The following EXOC4 variants were observed in gnomAD, a reference collection of about 807,000 sequenced individuals.
EXOC4 encodes the protein exocyst complex component 4.
In EXOC4, 71 loss-of-function variants were observed where a neutral mutation model predicts 107.2. The observed-to-expected ratio is 0.66, with a 90% confidence interval of 0.55 to 0.81. The LOEUF (loss-of-function observed/expected upper bound fraction) is 0.81, where lower values mean the gene tolerates loss of function less well. Ranked by LOEUF, EXOC4 falls within the 30% of genes least tolerant of loss-of-function variation. The pLI, the probability that EXOC4 is intolerant of heterozygous loss-of-function variation, is 0.00. For synonymous variants in EXOC4, 456 were observed against 441.2 expected, an observed-to-expected ratio of 1.03 and a Z score of -0.42; for missense variants, 1,108 against 1,189.6, an observed-to-expected ratio of 0.93 and a Z score of 1.01.
intron 17 of EXOC4, among the ~76,000 whole-genome samples, chr7:134,009,121 G>T (rs934554352): frequency 1.3e-5 from 2 of 152,092 alleles, no homozygotes; most frequent in Non-Finnish European, 1.5e-5. Flanking sequence ...CTCTATTGCC[G>T]TTTATACCTG....
chr7:133,698,031 A>G (rs1794573919), intron 10 of EXOC4, among the ~76,000 whole-genome samples: 1 of 152,158 alleles, frequency 6.6e-6, no homozygotes, highest in Non-Finnish European at 1.5e-5. Context: ...TGTTTTATAA[A>G]TGTGTTGTAC....
chr7:133,913,965 G>A (rs1002469310), intron 12 of EXOC4, among the ~76,000 whole-genome samples: 1 of 152,170 alleles, frequency 6.6e-6, no homozygotes, highest in Non-Finnish European at 1.5e-5. Context: ...GAAAGCAAAA[G>A]AATAGTATTT....
At chr7:133,457,099 TTG>T (rs1440438739) in intron 7 of EXOC4, among the ~76,000 whole-genome samples, 1 of 152,108 alleles carries the variant, frequency 6.6e-6, no homozygotes, top group Non-Finnish European at 1.5e-5. Flanking sequence ...ACGTTAATAT[TTG>T]TGTTGGGCCT....
intron 7 of EXOC4, among the ~76,000 whole-genome samples, chr7:133,403,556 C>A (rs1797142307): frequency 6.6e-6 from 1 of 152,192 alleles, no homozygotes; most frequent in African/African-American, 2.4e-5. Context: ...GTTTGCTTAA[C>A]TCAGTTTTGG....
chr7:133,509,289 G>T (rs1261500172), intron 9 of EXOC4, among the ~76,000 whole-genome samples: 1 of 152,114 alleles, frequency 6.6e-6, no homozygotes, highest in African/African-American at 2.4e-5. Context: ...TTAGCCGGGC[G>T]TGGTGGCGGG....
chr7:133,360,834 TG>T (rs1036383968), intron 6 of EXOC4, among the ~76,000 whole-genome samples: 4 of 152,204 alleles, frequency 2.6e-5, no homozygotes, highest in Non-Finnish European at 4.4e-5. Context: ...AAAATGCCTG[TG>T]GGGGTATGAA....
downstream of EXOC4, chr7:134,066,536 G>A (rs1165188845): frequency 6.6e-6 from 1 of 152,144 alleles, no homozygotes; most frequent in Admixed American, 6.5e-5. Flanking sequence ...ACTCTTCCAA[G>A]ACATTTAGGA....
intron 4 of EXOC4, among the ~76,000 whole-genome samples, chr7:133,317,042 T>C (rs1795004912): frequency 6.6e-6 from 1 of 152,134 alleles, no homozygotes; most frequent in Admixed American, 6.6e-5. Flanking sequence ...TTGAATGAAA[T>C]GACAAAATAA....
intron 12 of EXOC4, among the ~76,000 whole-genome samples, chr7:133,916,084 G>A (rs1799801226): frequency 1.3e-5 from 2 of 152,146 alleles, no homozygotes; most frequent in African/African-American, 4.8e-5. Flanking sequence ...TGATGTTTTG[G>A]GTGAGAAAAA....
At chr7:133,295,024 A>G (rs1321013876) in intron 3 of EXOC4, among the ~76,000 whole-genome samples, 1 of 152,142 alleles carries the variant, frequency 6.6e-6, no homozygotes, top group Non-Finnish European at 1.5e-5. Flanking sequence ...TGTGTACATA[A>G]AGTATATGCA....
intron 7 of EXOC4, among the ~76,000 whole-genome samples, chr7:133,465,361 A>G (rs1354633731): frequency 6.6e-6 from 1 of 152,214 alleles, no homozygotes; most frequent in Non-Finnish European, 1.5e-5. Context: ...AGTAGAAATA[A>G]CAAACTATCA....
chr7:133,416,509 A>G (rs1174300366), intron 7 of EXOC4, among the ~76,000 whole-genome samples: 4 of 152,204 alleles, frequency 2.6e-5, no homozygotes, highest in South Asian at 4.1e-4. Flanking sequence ...ACCACAGAAT[A>G]TAGTCAGATG....
chr7:133,393,713 G>A (rs537902134), intron 7 of EXOC4, among the ~76,000 whole-genome samples: 2 of 152,228 alleles, frequency 1.3e-5, no homozygotes, highest in South Asian at 4.1e-4. Context: ...ACAGGACAGG[G>A]GTCCTCACCA....
At chr7:133,846,074 A>G (rs575201399) in intron 11 of EXOC4, among the ~76,000 whole-genome samples, 3 of 152,250 alleles carry the variant, frequency 2.0e-5, no homozygotes, top group Non-Finnish European at 2.9e-5. Context: ...TAAACGTCAC[A>G]CTTACTTTAT....
At chr7:133,988,212 AG>A (rs952156131) in intron 14 of EXOC4, among the ~76,000 whole-genome samples, 1 of 152,216 alleles carries the variant, frequency 6.6e-6, no homozygotes, top group African/African-American at 2.4e-5. Context: ...CTTGGGGTAT[AG>A]GGATTCACCA....
intron 10 of EXOC4, among the ~76,000 whole-genome samples, chr7:133,756,734 C>A (rs985102): frequency 0.99 from 150,193 of 152,286 alleles, 74,113 homozygotes; most frequent in Middle Eastern, 1. Context: ...AGGTGGGAGA[C>A]TTTATGTGGC....
intron 3 of EXOC4, among the ~76,000 whole-genome samples, chr7:133,298,205 C>T (rs1182992547): frequency 6.6e-6 from 1 of 152,170 alleles, no homozygotes; most frequent in Non-Finnish European, 1.5e-5. Context: ...AAATGAAAAA[C>T]GCCATATTCC....
intron 4 of EXOC4, among the ~76,000 whole-genome samples, chr7:133,306,942 A>T (rs918603778): frequency 6.6e-6 from 1 of 152,142 alleles, no homozygotes; most frequent in African/African-American, 2.4e-5. Flanking sequence ...AGATCTTAAG[A>T]TGGTAGAATA....
rs1468062531 is a variant in EXOC4, at chr7:133,363,365, A to G, written c.1007+6792A>G. On this transcript the variant is annotated intron_variant, in intron 6 of 17. Coordinates refer to ENST00000253861, the MANE Select transcript of EXOC4 (RefSeq NM_021807.4). ...TAACTCATTACCATGAAAGGTCCCA[A>G]GTCTATATACTTTCTAGTAAGACTT... Among the ~76,000 whole-genome samples, 6 of 152,206 alleles carry G rather than the reference A, an allele frequency of 3.9e-5. No individual in the cohort carries two copies. The East Asian group carries it at 1.2e-3, about 29-fold the overall frequency.
Sources: allele counts gnomAD v4.1 joint callset (sites outside exome capture counted in the v4.1 genomes callset), GRCh38; gene constraint gnomAD v4.1.1; transcripts MANE v1.5; gene names NCBI Gene and HGNC (gene_info 2026-07-23, HGNC 2026-07-21).